ATE1: variants seen among roughly 807,000 people sequenced by gnomAD.
The protein encoded by ATE1 is arginyltransferase 1.
Under a neutral mutation model 70.5 loss-of-function variants are expected in ATE1, and 36 were observed. The observed-to-expected ratio is 0.51, with a 90% confidence interval of 0.39 to 0.67. The LOEUF is 0.67. Among genes scored for constraint, ATE1 ranks in the 30% least tolerant of loss-of-function variants. ATE1 has a pLI of 0.00. For missense variants in ATE1, 593 were observed against 629.5 expected (o/e 0.94, Z 0.62); for synonymous variants, 232 against 219.3 (o/e 1.06, Z -0.51).
chr10:121,924,439 G>C, intron 1 of ATE1, 110 bp from the exon 2 acceptor site: 1 of 1,021,610 alleles, frequency 9.8e-7, no homozygotes, highest in Non-Finnish European at 1.5e-6. Flanking sequence ...GGTGGCTCAT[G>C]CCTGTAATCC....
At chr10:121,884,172 A>T (rs1245158650) in intron 7 of ATE1, among the ~76,000 whole-genome samples, 2 of 150,114 alleles carry the variant, frequency 1.3e-5, no homozygotes, top group African/African-American at 4.9e-5. Flanking sequence ...CTAACTACTC[A>T]TGTTACCTTA....
At chr10:121,806,445 CCT>C (rs1197445361) in intron 10 of ATE1, among the ~76,000 whole-genome samples, 1 of 152,004 alleles carries the variant, frequency 6.6e-6, no homozygotes, top group African/African-American at 2.4e-5. Flanking sequence ...CGAGTGAGAC[CCT>C]GACTCCCCCA....
At chr10:121,834,792 T>G (rs1361946702) in intron 10 of ATE1, among the ~76,000 whole-genome samples, 1 of 152,158 alleles carries the variant, frequency 6.6e-6, no homozygotes, top group African/African-American at 2.4e-5. Flanking sequence ...TGAAAAACTT[T>G]CAAGAGAAAT....
In ATE1 at chr10:121,749,392, T is replaced by G. The variant is rs1469178200; in HGVS notation, c.1379-5534A>C. On this transcript the variant is annotated intron_variant, in intron 11 of 11. Transcript: ENST00000224652. ...AAATTAATACTAAGCCTATCTTTTCTCACGTGAAAAACCCTTTAATTGTAA... is the reference window on the plus strand; with the variant it reads ...AAATTAATACTAAGCCTATCTTTTCGCACGTGAAAAACCCTTTAATTGTAA... Among the ~76,000 whole-genome samples the G allele has an allele frequency of 2.0e-5, 3 of 152,164 alleles. No homozygotes were observed. The East Asian group carries it at 5.8e-4, about 29-fold the overall frequency.
intron 7 of ATE1, among the ~76,000 whole-genome samples, chr10:121,885,153 C>T (rs560536513): frequency 6.9e-6 from 1 of 145,316 alleles, no homozygotes; most frequent in Non-Finnish European, 1.5e-5. Context: ...CCCAGTTACT[C>T]GGGAGACTGA....
intron 11 of ATE1, among the ~76,000 whole-genome samples, chr10:121,768,310 T>G (rs568839005): frequency 2.6e-5 from 4 of 152,174 alleles, no homozygotes; most frequent in Non-Finnish European, 5.9e-5. Context: ...TCCAATACAC[T>G]AACAATAAAC....
At chr10:121,797,707 C>T (rs1215513839) in intron 10 of ATE1, among the ~76,000 whole-genome samples, 1 of 152,146 alleles carries the variant, frequency 6.6e-6, no homozygotes, top group African/African-American at 2.4e-5. Flanking sequence ...ATGTCACCTT[C>T]GCCACACTGG....
intron 10 of ATE1, among the ~76,000 whole-genome samples, chr10:121,830,274 G>A (rs776851620): frequency 1.3e-5 from 2 of 152,164 alleles, no homozygotes; most frequent in African/African-American, 4.8e-5. Flanking sequence ...GATCATGGGA[G>A]AACTGCCCTC....
At chr10:121,850,275 C>T (rs1191793115) in intron 8 of ATE1, among the ~76,000 whole-genome samples, 2 of 152,138 alleles carry the variant, frequency 1.3e-5, no homozygotes, top group Non-Finnish European at 2.9e-5. Flanking sequence ...CTAAACAATA[C>T]ATACATACAA....
At chr10:121,752,387 C>T (rs113720072) in intron 11 of ATE1, among the ~76,000 whole-genome samples, 14,604 of 150,994 alleles carry the variant, frequency 0.097, 820 homozygotes, top group Non-Finnish European at 0.12. Context: ...CCCGCCACCA[C>T]GCCTGGCTAA....
At chr10:121,881,625 C>A (rs1950226568) in intron 7 of ATE1, among the ~76,000 whole-genome samples, 1 of 145,118 alleles carries the variant, frequency 6.9e-6, no homozygotes, top group African/African-American at 2.5e-5. Context: ...TTACAAATAA[C>A]CAACTGCACT....
chr10:121,871,038 A>AC lies in ATE1; in HGVS notation c.943-1001_943-1000insG, dbSNP rs1949837548. On this transcript the variant is annotated intron_variant, in intron 7 of 11. Transcript: ENST00000224652. ...AAGCTAGTACTCGCAGGGAATACAA[A>AC]TAACTTGTATTCTCTTTTAGAGTTA... is the stretch of plus-strand genomic sequence containing the variant. Among the ~76,000 whole-genome samples, 3 of 152,222 alleles carry AC rather than the reference A, an allele frequency of 2.0e-5. No individual in the cohort carries two copies. The South Asian group carries it at 6.2e-4, about 32-fold the overall frequency.
chr10:121,836,419 T>C (rs1055319593), intron 10 of ATE1, among the ~76,000 whole-genome samples: 1 of 152,202 alleles, frequency 6.6e-6, no homozygotes, highest in Non-Finnish European at 1.5e-5. Flanking sequence ...GCAGTTTTTA[T>C]AGTGGGCTAC....
chr10:121,816,706 A>T (rs7074599), intron 10 of ATE1, among the ~76,000 whole-genome samples: 112,359 of 152,126 alleles, frequency 0.74, 41,971 homozygotes, highest in Non-Finnish European at 0.78. Flanking sequence ...AGAAATAAAA[A>T]TCTGTTGTTT....
At chr10:121,919,718 T>G (rs796068878) in intron 3 of ATE1, among the ~76,000 whole-genome samples, 88 of 152,182 alleles carry the variant, frequency 5.8e-4, no homozygotes, top group African/African-American at 2.0e-3. Context: ...GCCAACATGG[T>G]GAAACCCCGT....
chr10:121,880,321 T>C (rs12243529), intron 7 of ATE1, among the ~76,000 whole-genome samples: 20,041 of 152,086 alleles, frequency 0.13, 1,517 homozygotes, highest in East Asian at 0.19. Flanking sequence ...TGCTATGAAA[T>C]GACACTTATA....
At chr10:121,816,917 G>T (rs544103437) in intron 10 of ATE1, among the ~76,000 whole-genome samples, 6 of 152,266 alleles carry the variant, frequency 3.9e-5, no homozygotes, top group African/African-American at 1.2e-4. Context: ...AACTACAAAT[G>T]TTCTAAATTA....
At chr10:121,841,709 T>C (rs1353145639) in intron 8 of ATE1, among the ~76,000 whole-genome samples, 1 of 152,152 alleles carries the variant, frequency 6.6e-6, no homozygotes, top group African/African-American at 2.4e-5. Flanking sequence ...AAGAGGGAGC[T>C]AAGCTATGAG....
At position 121,840,928 on chromosome 10, in the gene ATE1, T is replaced by C. The variant is rs545806120; in HGVS notation, c.1157+154A>G. The stretch of plus-strand genomic sequence containing the variant: ...TATAGAATACCTATTACCTATTATA[T>C]AGTAGTATGTATTCTATGTAAGAGA... On this transcript the variant is annotated intron_variant, in intron 9 of 11. Coordinates refer to ENST00000224652, the MANE Select transcript of ATE1 (RefSeq NM_001001976.3). Among the ~76,000 whole-genome samples, 6 of 142,262 alleles carry C rather than the reference T, an allele frequency of 4.2e-5. No individual in the cohort carries two copies. The South Asian group carries it at 1.3e-3, about 30-fold the overall frequency. 93.3% of individuals were successfully genotyped at this position (142,262 alleles called of 152,430 possible).
Sources: gnomAD v4.1 joint callset for allele counts (sites outside exome capture counted in the v4.1 genomes callset) on GRCh38, gnomAD v4.1.1 for gene constraint, MANE v1.5 for transcripts, NCBI Gene and HGNC (gene_info 2026-07-23, HGNC 2026-07-21) for gene names.